The following NSG2 variants were observed in gnomAD, a reference collection of about 807,000 sequenced individuals.
NSG2 encodes neuronal vesicle trafficking associated 2.
In NSG2, 4 loss-of-function variants were observed where a neutral mutation model predicts 16.9. The ratio of observed to expected loss-of-function variants is 0.24; its 90% confidence interval spans 0.12 to 0.54. NSG2 has a LOEUF of 0.54. Ranked by LOEUF, NSG2 falls within the 20% of genes least tolerant of loss-of-function variation. The pLI is 0.95. For synonymous variants in NSG2, 98 were observed against 88.7 expected (o/e 1.11, Z -0.59); for missense variants, 179 against 221.1 (o/e 0.81, Z 1.21).
intron 2 of NSG2, 69 bp downstream of exon 2, chr5:174,046,953 A>AC: frequency 6.5e-7 from 1 of 1,534,676 alleles, no homozygotes; most frequent in South Asian, 1.2e-5. Context: ...AGCAGCAAAA[A>AC]ATTCCACCCC....
At chr5:174,062,899 G>A (rs376721203) in intron 2 of NSG2, among the ~76,000 whole-genome samples, 3 of 152,174 alleles carry the variant, frequency 2.0e-5, no homozygotes, top group Non-Finnish European at 2.9e-5. Context: ...GTTGGTGGGC[G>A]TTTTCAGTGA....
In NSG2 at chr5:174,107,333, C is replaced by T. The variant is rs746492693; in HGVS notation, c.344C>T (p.Ala115Val). Residue 115 changes from alanine to valine, a missense_variant, in exon 5 of 5, where the codon GCC (alanine) becomes GTC (valine). Transcript: ENST00000303177. This position sits in a 1 kb window ranked among gnomAD's most constrained non-coding sequence, Gnocchi z 4.5. ...CCCCAGCACAAACGCTGTATCCCAGCCTCCCTGGATGCTTACTACTCCTCC... is the reference window on the plus strand; with the variant it reads ...CCCCAGCACAAACGCTGTATCCCAGTCTCCCTGGATGCTTACTACTCCTCC... ...FVYKHKRCIP[A>V]SLDAYYSSQD... The T allele has an allele frequency of 6.3e-6, 10 of 1,575,640 alleles. No homozygotes were observed. Among genetic ancestry groups the T allele is most frequent in the African/African-American group, 1.3e-5 (1 of 74,122 alleles).
chr5:174,095,541 TA>T (rs1308348440), intron 3 of NSG2, among the ~76,000 whole-genome samples: 1 of 152,190 alleles, frequency 6.6e-6, no homozygotes, highest in Non-Finnish European at 1.5e-5. Context: ...GTGTCTCTAA[TA>T]GGGGCACTGC....
intron 3 of NSG2, among the ~76,000 whole-genome samples, chr5:174,102,749 G>T (rs1561676613): frequency 1.4e-5 from 2 of 147,986 alleles, no homozygotes. Flanking sequence ...GCCATGCTTT[G>T]TTTTTTTTAT....
chr5:174,056,819 G>A (rs1759973884), intron 2 of NSG2, among the ~76,000 whole-genome samples: 1 of 152,150 alleles, frequency 6.6e-6, no homozygotes, highest in Non-Finnish European at 1.5e-5. Flanking sequence ...TCTCCATGTG[G>A]GAACGTCTTC....
At chr5:174,075,050 A>C (rs1314994991) in intron 3 of NSG2, among the ~76,000 whole-genome samples, 3 of 152,102 alleles carry the variant, frequency 2.0e-5, no homozygotes, top group African/African-American at 7.2e-5. Context: ...GGAGTAATAA[A>C]AGGAAGATAC....
rs1561668646 is a variant in NSG2, at chr5:174,080,529, C to CTTTCTTTCTT, written c.213+16215_213+16216insTTCTTTCTTT. On this transcript the variant is annotated intron_variant, in intron 3 of 4. Transcript: ENST00000303177. ...TTTCTTTCCCTCTTTCTTTCTTTCTCTCTCTCTCTCTCTCTCTCTCTTTCT... is the reference window on the plus strand; with the variant it reads ...TTTCTTTCCCTCTTTCTTTCTTTCTCTTTCTTTCTTTCTCTCTCTCTCTCTCTCTCTTTCT... 9.5e-3 allele frequency among the ~76,000 whole-genome samples: 972 copies of CTTTCTTTCTT among 102,530 alleles called. 7 individuals carry two copies. Among genetic ancestry groups the CTTTCTTTCTT allele is most frequent in the East Asian group, 0.048 (222 of 4,600 alleles). The allele number at this position is 102,530 out of a possible 152,430, so 67.3% of individuals were successfully genotyped here.
At position 174,107,354 on chromosome 5, in the gene NSG2, C is replaced by A. The variant is rs1760998415; in HGVS notation, c.365C>A (p.Ser122Tyr). The change falls in exon 5 of 5, where the codon TCC becomes TAC. Residue 122 changes from serine (S) to tyrosine (Y), a missense_variant. By Grantham distance (144) the Ser-to-Tyr change is moderately radical. Coordinates refer to ENST00000303177, the MANE Select transcript of NSG2 (RefSeq NM_015980.5). The surrounding 1 kb of genome is among the most constrained non-coding windows in gnomAD (Gnocchi z 4.5). ...CCAGCCTCCCTGGATGCTTACTACT[C>A]CTCCCAGGACCCCAATTCCAGAAGC... is the stretch of plus-strand genomic sequence containing the variant. ...CIPASLDAYY[S>Y]SQDPNSRSRF... The A allele has an allele frequency of 1.9e-6, 3 of 1,594,078 alleles. No individual in the cohort carries two copies. Among genetic ancestry groups the A allele is most frequent in the African/African-American group, 1.3e-5 (1 of 74,614 alleles).
intron 3 of NSG2, among the ~76,000 whole-genome samples, chr5:174,071,682 C>T (rs1023147159): frequency 3.3e-5 from 5 of 152,332 alleles, no homozygotes; most frequent in African/African-American, 1.2e-4. Context: ...TGCACTACCC[C>T]GCTGAATGGT....
intron 2 of NSG2, among the ~76,000 whole-genome samples, chr5:174,061,947 G>A (rs1484176802): frequency 6.7e-6 from 1 of 150,238 alleles, no homozygotes; most frequent in African/African-American, 2.5e-5. Flanking sequence ...GGGAAGTTGG[G>A]GGCATTCTTG....
intron 2 of NSG2, among the ~76,000 whole-genome samples, chr5:174,057,837 G>A (rs1287961001): frequency 1.3e-5 from 2 of 152,144 alleles, no homozygotes; most frequent in East Asian, 1.9e-4. Flanking sequence ...GTCTTCTGAA[G>A]GTTTGCTGGT....
Position 174,103,219 on chromosome 5 carries a change from C to T in NSG2, c.214-1009C>T, listed in dbSNP as rs906605256. On this transcript the variant is annotated intron_variant, in intron 3 of 4. Coordinates refer to ENST00000303177, the MANE Select transcript of NSG2 (RefSeq NM_015980.5). ...AGGTGAGAGATGATGATGGCTTCCA[C>T]CCGGTTGGACATGATTGAGGTGGTA... Among the ~76,000 whole-genome samples the T allele has an allele frequency of 3.3e-5, 5 of 152,048 alleles. No homozygotes were observed. The East Asian group carries it at 9.7e-4, about 29-fold the overall frequency.
rs533314034 is a variant in NSG2 at position 174,104,435 on chromosome 5, G to A, written c.324+97G>A. On this transcript the variant is annotated intron_variant, in intron 4 of 4. Coordinates refer to ENST00000303177, the MANE Select transcript of NSG2 (RefSeq NM_015980.5). Reference sequence around the variant, plus strand: ...CTGGTGTCCAAATTCTGGGTATGACGACCTCTCTACCGACTGTTTAAAATG... The same window carrying A: ...CTGGTGTCCAAATTCTGGGTATGACAACCTCTCTACCGACTGTTTAAAATG... The A allele has an allele frequency of 1.6e-5, 14 of 848,578 alleles. No individual in the cohort carries two copies. The African/African-American group carries it at 1.7e-4, about 10-fold the overall frequency. The allele number at this position is 848,578 out of a possible 1,614,324, so 52.6% of individuals were successfully genotyped here.
At chr5:174,079,351 G>A (rs1010425679) in intron 3 of NSG2, among the ~76,000 whole-genome samples, 9 of 151,682 alleles carry the variant, frequency 5.9e-5, no homozygotes, top group African/African-American at 1.5e-4. Flanking sequence ...TCTGCCTCCC[G>A]GGCTCAAGCG....
intron 3 of NSG2, among the ~76,000 whole-genome samples, chr5:174,098,308 G>C (rs1760838300): frequency 6.6e-6 from 1 of 152,172 alleles, no homozygotes; most frequent in Non-Finnish European, 1.5e-5. Context: ...GCTGAGCAAA[G>C]ATGTTACCCC....
chr5:174,048,968 A>G (rs1051709837), intron 2 of NSG2, among the ~76,000 whole-genome samples: 4 of 151,922 alleles, frequency 2.6e-5, no homozygotes, highest in African/African-American at 9.7e-5. Flanking sequence ...TTTTTTTGAT[A>G]TGGGGAGGAT....
intron 4 of NSG2, among the ~76,000 whole-genome samples, chr5:174,105,277 A>C (rs140719244): frequency 0.014 from 2,137 of 152,210 alleles, 25 homozygotes; most frequent in Non-Finnish European, 0.02. Context: ...AAATGTGTAT[A>C]CTTCGGTTCT....
At position 174,109,169 on chromosome 5, in the gene NSG2, T is replaced by C. The variant is rs188849329; in HGVS notation, c.*1664T>C. 6.5e-6 allele frequency: 1 copy of C among 152,820 alleles called. No homozygotes were observed. Among genetic ancestry groups the C allele is most frequent in the East Asian group, 1.9e-4 (1 of 5,342 alleles). The allele number at this position is 152,820 out of a possible 1,614,324, so 9.5% of individuals were successfully genotyped here. ...CTGACAGGAAACAAATAAAGATAGATGTGTCTGAGAGTCTTGACCTTCCTT... is the reference window on the plus strand; with the variant it reads ...CTGACAGGAAACAAATAAAGATAGACGTGTCTGAGAGTCTTGACCTTCCTT... On this transcript the variant is annotated 3_prime_UTR_variant, in exon 5 of 5. Transcript: ENST00000303177.
intron 2 of NSG2, among the ~76,000 whole-genome samples, chr5:174,051,052 C>T (rs990439765): frequency 6.6e-6 from 1 of 152,152 alleles, no homozygotes. Context: ...CGTTGCGCCT[C>T]GAATGTTAGC....
Sources: gnomAD v4.1 joint callset for allele counts (sites outside exome capture counted in the v4.1 genomes callset) on GRCh38, gnomAD v4.1.1 for gene constraint, Gnocchi (gnomAD v3.1) non-coding constraint, MANE v1.5 for transcripts, NCBI Gene and HGNC (gene_info 2026-07-23, HGNC 2026-07-21) for gene names.